The following CACNA1I variants were observed in gnomAD, a reference collection of about 807,000 sequenced individuals.
CACNA1I encodes calcium voltage-gated channel subunit alpha1 I.
In CACNA1I, 74 loss-of-function variants were observed where a neutral mutation model predicts 201.6. The observed-to-expected ratio is 0.37, with a 90% confidence interval of 0.30 to 0.45. The LOEUF is 0.45. Among genes scored for constraint, CACNA1I ranks in the 20% least tolerant of loss-of-function variants. The probability of loss-of-function intolerance (pLI) is 1.00; values close to 1 mark genes in which losing one functional copy is unlikely to be tolerated. For missense variants in CACNA1I, 2,346 were observed against 3,138.1 expected (o/e 0.75, Z 6.03); for synonymous variants, 1,431 against 1,345.2 (o/e 1.06, Z -1.40).
intron 3 of CACNA1I, among the ~76,000 whole-genome samples, chr22:39,607,895 C>CGGG (rs34811604): frequency 0.018 from 2,466 of 139,078 alleles, 89 homozygotes; most frequent in African/African-American, 0.051. Context: ...GGTGCCAAGG[C>CGGG]GGGGGGGGGT....
Position 39,660,333 on chromosome 22 carries a change from T to A in CACNA1I, c.2605-11T>A, listed in dbSNP as rs769178336. The A allele has an allele frequency of 2.5e-6, 4 of 1,607,986 alleles. No individual in the cohort carries two copies. Among genetic ancestry groups the A allele is most frequent in the Admixed American group, 1.7e-5 (1 of 59,744 alleles). ...CTGACCTGCATTCTAACGTGACGGATGCTCTCCCAGGGTGACGCCAATCGC... is the reference window on the plus strand; with the variant it reads ...CTGACCTGCATTCTAACGTGACGGAAGCTCTCCCAGGGTGACGCCAATCGC... On this transcript the variant is annotated splice_polypyrimidine_tract_variant and intron_variant, in intron 14 of 36. Transcript: ENST00000402142.
In CACNA1I at chr22:39,677,836, C is replaced by T. The variant is rs1050107273; in HGVS notation, c.4934-151C>T. 24 of 840,982 alleles carry T rather than the reference C, an allele frequency of 2.9e-5. No homozygotes were observed. The highest frequency in any genetic ancestry group is 1.0e-4 in the African/African-American group (6 of 58,304). 52.1% of individuals were successfully genotyped at this position (840,982 alleles called of 1,614,324 possible). ...AGCCCCAGCTCATGTGCCATCTCCC[C>T]GAGCCTCAGTTTATCTGTGGGCTGG... On this transcript the variant is annotated intron_variant, in intron 30 of 36. Transcript: ENST00000402142. This position sits in a 1 kb window ranked among gnomAD's most constrained non-coding sequence, Gnocchi z 4.8.
At chr22:39,682,957 G>T (rs759562917) in intron 35 of CACNA1I, among the ~76,000 whole-genome samples, 1 of 151,928 alleles carries the variant, frequency 6.6e-6, no homozygotes, top group Non-Finnish European at 1.5e-5. Flanking sequence ...GAAAGAGGTG[G>T]GTACACACGG....
At chr22:39,577,737 G>A (rs1157005178) in intron 1 of CACNA1I, among the ~76,000 whole-genome samples, 1 of 152,242 alleles carries the variant, frequency 6.6e-6, no homozygotes, top group Non-Finnish European at 1.5e-5. Flanking sequence ...CTGAGGGCCT[G>A]GAGAGGGGGC....
chr22:39,609,112 C>T (rs941649412), intron 3 of CACNA1I, among the ~76,000 whole-genome samples: 33 of 152,102 alleles, frequency 2.2e-4, no homozygotes, highest in African/African-American at 3.9e-4. Context: ...AGAATAAGGA[C>T]GCTGACTGCT....
rs136813 is a variant in CACNA1I at position 39,629,039 on chromosome 22, C to T, written c.581-5526C>T. On this transcript the variant is annotated intron_variant, in intron 4 of 36. Transcript: ENST00000402142. This position sits in a 1 kb window ranked among gnomAD's most constrained non-coding sequence, Gnocchi z 4.8. The stretch of plus-strand genomic sequence containing the variant: ...CTCCTCTCAGGTGTCCCCACTGCCA[C>T]TGAGGGGCTGCCTCTGCCTGGCTGC... 0.14 allele frequency among the ~76,000 whole-genome samples: 21,539 copies of T among 152,130 alleles called. 1,940 individuals are homozygous for T. Among genetic ancestry groups the T allele is most frequent in the Admixed American group, 0.26 (4,030 of 15,282 alleles).
rs950387899 is a variant in CACNA1I, at chr22:39,676,467, G to C, written c.4855-874G>C. On this transcript the variant is annotated intron_variant, in intron 29 of 36. Transcript: ENST00000402142. This position sits in a 1 kb window ranked among gnomAD's most constrained non-coding sequence, Gnocchi z 4.8. ...CTGAGGGTTCTAAGGCCTTCTGAGG[G>C]TTCTAAGAGATATTTCATTTCTAGG... Among the ~76,000 whole-genome samples, 11 of 152,180 alleles carry C rather than the reference G, an allele frequency of 7.2e-5. No homozygotes were observed. Among genetic ancestry groups the C allele is most frequent in the African/African-American group, 2.4e-4 (10 of 41,444 alleles).
intron 29 of CACNA1I, among the ~76,000 whole-genome samples, chr22:39,674,658 C>T (rs898209770): frequency 1.3e-5 from 2 of 152,144 alleles, no homozygotes; most frequent in South Asian, 4.2e-4. Context: ...CAATCCCAGT[C>T]CTTCCCTCCC....
intron 1 of CACNA1I, among the ~76,000 whole-genome samples, chr22:39,572,306 C>T (rs1932211103): frequency 1.3e-5 from 2 of 151,968 alleles, no homozygotes; most frequent in East Asian, 1.9e-4. Context: ...CAAAAAATGC[C>T]CATATGTGGC....
chr22:39,637,524 G>C (rs1934250727), intron 5 of CACNA1I, among the ~76,000 whole-genome samples: 1 of 152,110 alleles, frequency 6.6e-6, no homozygotes, highest in Non-Finnish European at 1.5e-5. Flanking sequence ...GCACTCCTGT[G>C]TATTTACCCA....
intron 7 of CACNA1I, chr22:39,643,456 C>G (rs1934398788): frequency 6.4e-6 from 1 of 155,372 alleles, no homozygotes. Flanking sequence ...GCCTGCACCC[C>G]CATATGGTCT....
chr22:39,671,849 C>T (rs1001934894), intron 26 of CACNA1I, among the ~76,000 whole-genome samples: 1 of 152,150 alleles, frequency 6.6e-6, no homozygotes, highest in African/African-American at 2.4e-5. Flanking sequence ...TACCAGCTTT[C>T]TAAGATGAAA....
At position 39,665,434 on chromosome 22, in the gene CACNA1I, G is replaced by C; in HGVS notation, c.3852-64G>C. On this transcript the variant is annotated intron_variant, in intron 21 of 36. Coordinates refer to ENST00000402142, the MANE Select transcript of CACNA1I (RefSeq NM_021096.4). This position sits in a 1 kb window ranked among gnomAD's most constrained non-coding sequence, Gnocchi z 5.5. ...TACTCAGCCCTGGTGACTCTGGGCT[G>C]AGTAGGGGCTGCCTCCTGGCCTGGC... The C allele has an allele frequency of 6.3e-7, 1 of 1,596,312 alleles. No homozygotes were observed. Among genetic ancestry groups the C allele is most frequent in the Admixed American group, 1.7e-5 (1 of 59,380 alleles).
rs978082907 is a variant in CACNA1I at position 39,677,532 on chromosome 22, T to C, written c.4933+113T>C. 2.4e-5 allele frequency: 17 copies of C among 721,870 alleles called. No homozygotes were observed. Among genetic ancestry groups the C allele is most frequent in the South Asian group, 1.1e-4 (6 of 52,888 alleles). The allele number at this position is 721,870 out of a possible 1,614,324, so 44.7% of individuals were successfully genotyped here. On this transcript the variant is annotated intron_variant, in intron 30 of 36. Coordinates refer to ENST00000402142, the MANE Select transcript of CACNA1I (RefSeq NM_021096.4). The surrounding 1 kb of genome is among the most constrained non-coding windows in gnomAD (Gnocchi z 4.8). ...AGCCCGTCACATCAGGGTCTTTGTA[T>C]TGGGGAGATGCCTACAGCAGGGCCC...
intron 18 of CACNA1I, 139 bp from the exon 19 acceptor site, chr22:39,663,579 G>A (rs965822387): frequency 9.2e-6 from 9 of 982,972 alleles, no homozygotes; most frequent in Middle Eastern, 2.8e-4. Flanking sequence ...GTGTAGAGTC[G>A]GCACCTGGCC....
At chr22:39,583,673 CT>C (rs929150786) in intron 1 of CACNA1I, among the ~76,000 whole-genome samples, 31 of 152,360 alleles carry the variant, frequency 2.0e-4, no homozygotes, top group African/African-American at 6.7e-4. Context: ...TTGGCAGATG[CT>C]TGTTGATTAT....
chr22:39,604,245 T>C (rs1174490152), intron 3 of CACNA1I, among the ~76,000 whole-genome samples: 1 of 152,224 alleles, frequency 6.6e-6, no homozygotes, highest in Non-Finnish European at 1.5e-5. Flanking sequence ...TCTGCTCATA[T>C]TTATAAATAA....
At chr22:39,656,514 A>G (rs918887737) in intron 10 of CACNA1I, 1 of 511,174 alleles carries the variant, frequency 2.0e-6, no homozygotes, top group African/African-American at 1.9e-5. Flanking sequence ...AACTTGGTTT[A>G]CTGGGCTTTG....
chr22:39,666,208 A>G lies in CACNA1I; in HGVS notation c.4104+202A>G. On this transcript the variant is annotated intron_variant, in intron 23 of 36. Coordinates refer to ENST00000402142, the MANE Select transcript of CACNA1I (RefSeq NM_021096.4). This position sits in a 1 kb window ranked among gnomAD's most constrained non-coding sequence, Gnocchi z 4.1. ...GATGAGGCTTAGAGAGTCTGTGTGC[A>G]GAGTGCCCAGCAAATGCCTGCACTT... Among the ~76,000 whole-genome samples, 1 of 152,202 alleles carries G rather than the reference A, an allele frequency of 6.6e-6. No homozygotes were observed. The highest frequency in any genetic ancestry group is 1.9e-4 in the East Asian group (1 of 5,192).
Sources: allele counts gnomAD v4.1 joint callset (sites outside exome capture counted in the v4.1 genomes callset), GRCh38; gene constraint gnomAD v4.1.1; non-coding constraint Gnocchi (gnomAD v3.1); transcripts MANE v1.5; gene names NCBI Gene and HGNC (gene_info 2026-07-23, HGNC 2026-07-21).